Variants in UXS1 observed in about 807,000 individuals in gnomAD.
UXS1 encodes UDP-glucuronate decarboxylase 1, also known as UDP-glucuronic acid decarboxylase 1.
Under a neutral mutation model 62.6 loss-of-function variants are expected in UXS1, and 33 were observed. The observed-to-expected ratio is 0.53, with a 90% confidence interval of 0.40 to 0.70. The LOEUF (loss-of-function observed/expected upper bound fraction) is 0.70, where lower values mean the gene tolerates loss of function less well. Among genes scored for constraint, UXS1 ranks in the 30% least tolerant of loss-of-function variants. UXS1 has a pLI of 0.00. For synonymous variants in UXS1, 213 were observed against 206.8 expected, an observed-to-expected ratio of 1.03 and a Z score of -0.26; for missense variants, 434 against 556.3, an observed-to-expected ratio of 0.78 and a Z score of 2.21.
rs1039988435 is a variant in UXS1, at chr2:106,138,898, CAG to C, written c.472+6290_472+6291del. 1.2e-5 allele frequency: 12 copies of C among 983,916 alleles called. No homozygotes were observed. The African/African-American group carries it at 1.7e-4, about 14-fold the overall frequency. The allele number at this position is 983,916 out of a possible 1,614,324, so 60.9% of individuals were successfully genotyped here. On this transcript the variant is annotated intron_variant, in intron 6 of 14. Transcript: ENST00000283148. ...TCCTATCCTAAAAAGGGCACTGCAGCAGAGTCTGTTGGTTAAATAATCTGGTG... is the reference window on the plus strand; with the variant it reads ...TCCTATCCTAAAAAGGGCACTGCAGCAGTCTGTTGGTTAAATAATCTGGTG...
chr2:106,185,729 C>T (rs905821102), intron 1 of UXS1, among the ~76,000 whole-genome samples: 3 of 152,118 alleles, frequency 2.0e-5, no homozygotes, highest in South Asian at 2.1e-4. Flanking sequence ...AAGATCATCC[C>T]GGATTATCCA....
chr2:106,118,626 C>T (rs1017763977), intron 9 of UXS1, among the ~76,000 whole-genome samples: 1 of 152,204 alleles, frequency 6.6e-6, no homozygotes, highest in East Asian at 1.9e-4. Context: ...CATCTCACTC[C>T]ATCCCACGAA....
intron 9 of UXS1, among the ~76,000 whole-genome samples, chr2:106,118,781 TA>T (rs905609571): frequency 7.9e-5 from 12 of 152,148 alleles, no homozygotes; most frequent in African/African-American, 1.9e-4. Context: ...AATTTTTCTA[TA>T]AAAAAATTAT....
At chr2:106,129,602 C>T in intron 7 of UXS1, 72 bp downstream of exon 7, 1 of 1,257,462 alleles carries the variant, frequency 8.0e-7, no homozygotes, top group Non-Finnish European at 1.1e-6. Flanking sequence ...GTAGAAGATT[C>T]AATGACCTAT....
rs1372543814 is a variant in UXS1, at chr2:106,096,186, GT to G, written c.1146+531del. Among the ~76,000 whole-genome samples the G allele has an allele frequency of 1.8e-4, 17 of 92,360 alleles. No homozygotes were observed. The East Asian group carries it at 2.2e-3, about 12-fold the overall frequency. The allele number at this position is 92,360 out of a possible 152,430, so 60.6% of individuals were successfully genotyped here. A position where few individuals can be genotyped will look rare whatever the true frequency, so the allele number is the denominator to read the frequency against. On this transcript the variant is annotated intron_variant, in intron 14 of 14. Coordinates refer to ENST00000283148, the MANE Select transcript of UXS1 (RefSeq NM_001253875.2). ...TGGCACAGCGTTCACAGTCAGGGGTGTGTGTGTGTGTGTGTGTGTATGTATG... is the reference window on the plus strand; with the variant it reads ...TGGCACAGCGTTCACAGTCAGGGGTGGTGTGTGTGTGTGTGTGTATGTATG...
At chr2:106,122,865 C>T (rs1558697633) in intron 9 of UXS1, 105 bp downstream of exon 9, 2 of 1,486,576 alleles carry the variant, frequency 1.3e-6, no homozygotes, top group East Asian at 2.4e-5. Context: ...AAACACCTAT[C>T]CCCAGACAAA....
At chr2:106,094,335 G>A (rs933493196) in intron 14 of UXS1, among the ~76,000 whole-genome samples, 178 bp from the exon 15 acceptor site, 31 of 150,332 alleles carry the variant, frequency 2.1e-4, no homozygotes, top group Admixed American at 7.3e-4. Context: ...ACGGCCCACC[G>A]AGAGAAGCCA....
chr2:106,194,271 A>G lies in UXS1; in HGVS notation c.-30T>C, dbSNP rs7604916. On this transcript the variant is annotated 5_prime_UTR_variant, in exon 1 of 15. Transcript: ENST00000283148. Reference sequence around the variant, plus strand: ...GGGAGCCGCGCGGGTCCAGGGCCCTACCGCGCGGGGGCCCGCCTGCTGCAC... The same window carrying G: ...GGGAGCCGCGCGGGTCCAGGGCCCTGCCGCGCGGGGGCCCGCCTGCTGCAC... The G allele has an allele frequency of 1, 1,275,455 of 1,281,078 alleles. 635,056 individuals are homozygous for G. Among genetic ancestry groups the G allele is most frequent in the East Asian group, 1 (27,823 of 27,826 alleles). The allele number at this position is 1,281,078 out of a possible 1,614,324, so 79.4% of individuals were successfully genotyped here.
chr2:106,160,297 C>T (rs1433927258), intron 4 of UXS1: 2 of 152,286 alleles, frequency 1.3e-5, no homozygotes, highest in African/African-American at 4.8e-5. Flanking sequence ...CAGCCTCAGT[C>T]CCCAAGTGGC....
chr2:106,179,622 T>C (rs541319990), intron 1 of UXS1: 1 of 152,348 alleles, frequency 6.6e-6, no homozygotes, highest in East Asian at 1.9e-4. Context: ...AATATTGCAT[T>C]CTATCCTTAA....
intron 1 of UXS1, among the ~76,000 whole-genome samples, chr2:106,184,620 G>A (rs994240138): frequency 2.0e-5 from 3 of 152,190 alleles, no homozygotes; most frequent in Non-Finnish European, 2.9e-5. Flanking sequence ...CATGGTGGAA[G>A]GGAGGAATGA....
chr2:106,189,304 T>C lies in UXS1; in HGVS notation c.94+4844A>G, dbSNP rs111484958. ...ACGGATGTATCAGTCAGGGCAGGCA[T>C]TGTTAAACTACAGCAATGAGCAGCC... On this transcript the variant is annotated intron_variant, in intron 1 of 14. Transcript: ENST00000283148. 4.7e-3 allele frequency among the ~76,000 whole-genome samples: 720 copies of C among 152,324 alleles called. 10 individuals are homozygous for C. The highest frequency in any genetic ancestry group is 0.017 in the African/African-American group (706 of 41,542).
At chr2:106,138,898 C>T (rs1183304647) in intron 6 of UXS1, 69 of 983,916 alleles carry the variant, frequency 7.0e-5, no homozygotes, top group Non-Finnish European at 8.3e-5. Flanking sequence ...GGCACTGCAG[C>T]AGAGTCTGTT....
chr2:106,186,505 T>TAC lies in UXS1; in HGVS notation c.94+7641_94+7642dup, dbSNP rs971553092. 1.4e-3 allele frequency among the ~76,000 whole-genome samples: 212 copies of TAC among 151,262 alleles called. 3 individuals carry two copies. Among genetic ancestry groups the TAC allele is most frequent in the Admixed American group, 0.014 (206 of 15,150 alleles). ...ACATGAATATACGTAAATATGTATA[T>TAC]ACACACACACACATATATAGGTAAA... On this transcript the variant is annotated intron_variant, in intron 1 of 14. Coordinates refer to ENST00000283148, the MANE Select transcript of UXS1 (RefSeq NM_001253875.2).
chr2:106,139,893 A>ATACT (rs1461862227), intron 6 of UXS1, among the ~76,000 whole-genome samples: 1 of 152,208 alleles, frequency 6.6e-6, no homozygotes, highest in Non-Finnish European at 1.5e-5. Flanking sequence ...ATCATAAAAG[A>ATACT]TACTTACAGT....
intron 10 of UXS1, among the ~76,000 whole-genome samples, chr2:106,111,497 G>A (rs1011232244): frequency 2.6e-5 from 4 of 152,152 alleles, no homozygotes; most frequent in Admixed American, 6.5e-5. Flanking sequence ...CGTTGGTAGC[G>A]GAGCAGCCAA....
intron 1 of UXS1, among the ~76,000 whole-genome samples, chr2:106,177,858 G>A (rs930171262): frequency 5.3e-5 from 8 of 152,324 alleles, no homozygotes; most frequent in African/African-American, 1.9e-4. Flanking sequence ...AGAAACTCTG[G>A]GGTGTGGTCT....
At chr2:106,112,624 C>CT in intron 10 of UXS1, 22 bp downstream of exon 10, 2 of 1,612,846 alleles carry the variant, frequency 1.2e-6, no homozygotes, top group Non-Finnish European at 1.7e-6. Context: ...AAGGTGCTCC[C>CT]TGAGCCGAGG....
Position 106,158,138 on chromosome 2 carries a change from T to A in UXS1, c.231-20A>T. On this transcript the variant is annotated intron_variant, in intron 4 of 14. Coordinates refer to ENST00000283148, the MANE Select transcript of UXS1 (RefSeq NM_001253875.2). ...GTAAAGCTGTATAATATAAAGAGAT[T>A]CAAAAGGAAAAAGTCAAACATCTCA... The A allele has an allele frequency of 6.5e-7, 1 of 1,541,096 alleles. No individual in the cohort carries two copies. Among genetic ancestry groups the A allele is most frequent in the South Asian group, 1.2e-5 (1 of 82,986 alleles).
Sources: gnomAD v4.1 joint callset for allele counts (sites outside exome capture counted in the v4.1 genomes callset) on GRCh38, gnomAD v4.1.1 for gene constraint, MANE v1.5 for transcripts, NCBI Gene and HGNC (gene_info 2026-07-23, HGNC 2026-07-21) for gene names.